Variants in KCND3 observed in about 807,000 individuals in gnomAD.
KCND3 encodes the protein A-type voltage-gated potassium channel KCND3.
A neutral mutation model predicts 51.1 loss-of-function variants in KCND3; 9 were observed. The observed-to-expected ratio is 0.18, with a 90% CI of 0.11 to 0.31. The LOEUF (loss-of-function observed/expected upper bound fraction) is 0.31. KCND3 is among the 10% of genes least tolerant of loss of function. The pLI is 1.00. For synonymous variants in KCND3, 349 were observed against 368.0 expected (o/e 0.95, Z 0.59); for missense variants, 526 against 903.8 (o/e 0.58, Z 5.36).
chr1:111,911,597 G>C (rs1052216641), intron 2 of KCND3, among the ~76,000 whole-genome samples: 2 of 152,154 alleles, frequency 1.3e-5, no homozygotes, highest in African/African-American at 4.8e-5. Context: ...GAAGACTGTT[G>C]ACCAGGGCTC....
chr1:111,833,037 T>G (rs1288206841), intron 2 of KCND3, among the ~76,000 whole-genome samples: 2 of 152,262 alleles, frequency 1.3e-5, no homozygotes, highest in African/African-American at 2.4e-5. Flanking sequence ...CAAACTGGCC[T>G]TGGTCCCTGG....
intron 2 of KCND3, among the ~76,000 whole-genome samples, chr1:111,893,114 C>A (rs1669922994): frequency 6.6e-6 from 1 of 152,196 alleles, no homozygotes. Context: ...AGAAGACCAT[C>A]CCCACCCTCT....
chr1:111,903,697 G>T (rs1472790769), intron 2 of KCND3, among the ~76,000 whole-genome samples: 1 of 152,236 alleles, frequency 6.6e-6, no homozygotes, highest in Non-Finnish European at 1.5e-5. Flanking sequence ...TGGCTGGGAG[G>T]GGGCCTGAGG....
At chr1:111,903,090 C>T (rs894699853) in intron 2 of KCND3, among the ~76,000 whole-genome samples, 6 of 152,138 alleles carry the variant, frequency 3.9e-5, no homozygotes, top group Admixed American at 3.3e-4. Context: ...GGGGCAGAAC[C>T]GGGCTGTCCA....
chr1:111,869,316 G>A (rs752629924), intron 2 of KCND3, among the ~76,000 whole-genome samples: 1 of 152,098 alleles, frequency 6.6e-6, no homozygotes. Flanking sequence ...GCCACCTCTA[G>A]GACCCCCCAG....
intron 2 of KCND3, among the ~76,000 whole-genome samples, chr1:111,863,750 A>C (rs1324800931): frequency 6.6e-6 from 1 of 152,204 alleles, no homozygotes; most frequent in African/African-American, 2.4e-5. Flanking sequence ...TAGCAACATA[A>C]TTAAATTGTG....
At chr1:111,822,789 A>G (rs1228002033) in intron 2 of KCND3, among the ~76,000 whole-genome samples, 1 of 152,238 alleles carries the variant, frequency 6.6e-6, no homozygotes, top group Non-Finnish European at 1.5e-5. Context: ...TTTTTGAAAC[A>G]GTCCTCTTTT....
intron 2 of KCND3, chr1:111,910,167 G>C (rs1045247711): frequency 1.3e-5 from 2 of 152,328 alleles, no homozygotes; most frequent in Admixed American, 1.3e-4. Flanking sequence ...CCAGTGGAGA[G>C]AAGGTTGACA....
At chr1:111,972,317 C>T (rs12742231) in intron 2 of KCND3, among the ~76,000 whole-genome samples, 35,533 of 150,050 alleles carry the variant, frequency 0.24, 4,661 homozygotes, top group Middle Eastern at 0.32. Flanking sequence ...GGACTACAGG[C>T]GCCCGCCACT....
In KCND3 at chr1:111,839,175, C is replaced by T. The variant is rs527572448; in HGVS notation, c.1107-52069G>A. ...GCTGTTTCCAGTCTTTGAGCATGTC[C>T]TTTGTTCCATGTGCTTTCTCAACAA... On this transcript the variant is annotated intron_variant, in intron 2 of 7. Transcript: ENST00000302127. 1.3e-3 allele frequency among the ~76,000 whole-genome samples: 192 copies of T among 152,298 alleles called. 2 individuals are homozygous for T. The highest frequency in any genetic ancestry group is 4.0e-3 in the African/African-American group (168 of 41,570).
intron 2 of KCND3, among the ~76,000 whole-genome samples, chr1:111,818,239 G>A (rs949719992): frequency 1.3e-5 from 2 of 152,294 alleles, no homozygotes; most frequent in South Asian, 2.1e-4. Flanking sequence ...AGGGAAGGAG[G>A]ACCAGGGCTG....
intron 2 of KCND3, among the ~76,000 whole-genome samples, chr1:111,846,643 C>T (rs1667564738): frequency 1.3e-5 from 2 of 152,210 alleles, no homozygotes; most frequent in East Asian, 3.8e-4. Context: ...TTATACGGGA[C>T]AGTCTACAGG....
chr1:111,853,533 C>A (rs1255833726), intron 2 of KCND3, among the ~76,000 whole-genome samples: 1 of 152,180 alleles, frequency 6.6e-6, no homozygotes. Context: ...CCTGATTACC[C>A]TAATTTGAAT....
At chr1:111,921,121 A>C (rs1346034424) in intron 2 of KCND3, among the ~76,000 whole-genome samples, 1 of 152,162 alleles carries the variant, frequency 6.6e-6, no homozygotes, top group Non-Finnish European at 1.5e-5. Flanking sequence ...TGAGCCTCAC[A>C]AGTTGTCTCA....
At chr1:111,872,888 A>G (rs971316142) in intron 2 of KCND3, among the ~76,000 whole-genome samples, 9 of 151,822 alleles carry the variant, frequency 5.9e-5, no homozygotes, top group African/African-American at 2.2e-4. Context: ...TCATTCAACA[A>G]CTCCAGGATG....
intron 2 of KCND3, among the ~76,000 whole-genome samples, chr1:111,883,003 C>G (rs528738688): frequency 6.6e-6 from 1 of 152,368 alleles, no homozygotes; most frequent in African/African-American, 2.4e-5. Flanking sequence ...CTTCCCTCCA[C>G]TGTTGCCAAG....
chr1:111,937,373 C>T (rs1434743031), intron 2 of KCND3, among the ~76,000 whole-genome samples: 1 of 152,172 alleles, frequency 6.6e-6, no homozygotes, highest in Non-Finnish European at 1.5e-5. Context: ...CTGCTGTAGA[C>T]TGACCAGCCC....
In KCND3 at chr1:111,982,065, C is replaced by T. The variant is rs1452533846; in HGVS notation, c.662G>A (p.Arg221His). 6.8e-6 allele frequency: 11 copies of T among 1,613,726 alleles called. No homozygotes were observed. Among genetic ancestry groups the T allele is most frequent in the South Asian group, 1.1e-5 (1 of 91,050 alleles). The change falls in exon 2 of 8, where the codon CGC (arginine) becomes CAC (histidine). Residue 221 changes from arginine (R) to histidine (H), a missense_variant. Arg to His is a conservative substitution (Grantham distance 29). Around this residue, in one of 5 missense-constraint regions of KCND3, gnomAD observed 51 missense variants for 84.7 expected, o/e 0.60. Coordinates refer to ENST00000302127, the MANE Select transcript of KCND3 (RefSeq NM_001378969.1). This position sits in a 1 kb window ranked among gnomAD's most constrained non-coding sequence, Gnocchi z 8.5. ...CAGGCAGAAGAAGGCCACCGAGTAG[C>T]GCTCCCCGCACGGCAGCTCCTTGCT... ...PGSKELPCGE[R>H]YSVAFFCLDT...
At chr1:111,980,907 T>G (rs1039719429) in intron 2 of KCND3, among the ~76,000 whole-genome samples, 1 of 152,204 alleles carries the variant, frequency 6.6e-6, no homozygotes, top group Non-Finnish European at 1.5e-5. Flanking sequence ...CTTCTGTGTC[T>G]GACCACATGA....
Sources: allele counts gnomAD v4.1 joint callset (sites outside exome capture counted in the v4.1 genomes callset), GRCh38; gene constraint gnomAD v4.1.1; regional missense constraint gnomAD v4.1.1; non-coding constraint Gnocchi (gnomAD v3.1); transcripts MANE v1.5; gene names NCBI Gene and HGNC (gene_info 2026-07-23, HGNC 2026-07-21).